The following SIPA1L1 variants were observed in gnomAD, a reference collection of about 807,000 sequenced individuals.
SIPA1L1 encodes signal-induced proliferation-associated 1-like protein 1.
In SIPA1L1, 26 loss-of-function variants were observed where a neutral mutation model predicts 162.7. The observed-to-expected ratio is 0.16, with a 90% CI of 0.12 to 0.22. The LOEUF is 0.22. Ranked by LOEUF, SIPA1L1 falls within the 10% of genes least tolerant of loss-of-function variation. The pLI is 1.00. For synonymous variants in SIPA1L1, 829 were observed against 837.4 expected, an observed-to-expected ratio of 0.99 and a Z score of 0.17; for missense variants, 1,874 against 2,241.0, an observed-to-expected ratio of 0.84 and a Z score of 3.31.
At chr14:71,400,401 A>G (rs1468211500) in intron 2 of SIPA1L1, among the ~76,000 whole-genome samples, 2 of 152,200 alleles carry the variant, frequency 1.3e-5, no homozygotes, top group Admixed American at 1.3e-4. Flanking sequence ...CATTACATAA[A>G]GCATTTTTTA....
intron 2 of SIPA1L1, among the ~76,000 whole-genome samples, chr14:71,402,467 G>A (rs1181816011): frequency 6.6e-6 from 1 of 151,802 alleles, no homozygotes; most frequent in African/African-American, 2.4e-5. Flanking sequence ...TCTTGCCTCA[G>A]CCTCCTGAGT....
rs2037765926 is a variant in SIPA1L1, at chr14:71,608,280, G to A, written c.1499-10477G>A. ...GGTCCCTGTCCTTGTTAGCGGTAGT[G>A]ACTTCTGCCTTAACTGAATTTCTGG... is the stretch of plus-strand genomic sequence containing the variant. On this transcript the variant is annotated intron_variant, in intron 5 of 23. Coordinates refer to ENST00000381232, the MANE Select transcript of SIPA1L1 (RefSeq NM_001386936.1). 1.3e-5 allele frequency among the ~76,000 whole-genome samples: 2 copies of A among 152,194 alleles called. 1 individual carries two copies. Among genetic ancestry groups the A allele is most frequent in the South Asian group, 4.1e-4 (2 of 4,828 alleles).
At chr14:71,607,225 T>G (rs1429984167) in intron 5 of SIPA1L1, among the ~76,000 whole-genome samples, 3 of 151,566 alleles carry the variant, frequency 2.0e-5, no homozygotes, top group Non-Finnish European at 2.9e-5. Flanking sequence ...TGGTTTTAAT[T>G]TGCAGATAAA....
At chr14:71,653,388 T>G (rs575895448) in intron 8 of SIPA1L1, among the ~76,000 whole-genome samples, 55 of 152,340 alleles carry the variant, frequency 3.6e-4, no homozygotes, top group African/African-American at 1.2e-3. Flanking sequence ...TGCAGCTTAC[T>G]GTCCAACTCA....
intron 2 of SIPA1L1, among the ~76,000 whole-genome samples, chr14:71,478,335 G>A (rs545967535): frequency 6.6e-6 from 1 of 151,854 alleles, no homozygotes; most frequent in Admixed American, 6.6e-5. Context: ...TTTTTCATTT[G>A]CTTAATAGTG....
chr14:71,633,363 G>A (rs1233264879), intron 7 of SIPA1L1, among the ~76,000 whole-genome samples: 2 of 151,984 alleles, frequency 1.3e-5, no homozygotes, highest in African/African-American at 2.4e-5. Flanking sequence ...TAGTAGAGAC[G>A]GGGTTTCACC....
chr14:71,720,384 C>A (rs2083614023), intron 17 of SIPA1L1, among the ~76,000 whole-genome samples: 1 of 151,966 alleles, frequency 6.6e-6, no homozygotes, highest in Admixed American at 6.6e-5. Context: ...AGTTTGAGAC[C>A]ATCCTGGCCA....
intron 2 of SIPA1L1, chr14:71,330,554 G>T: frequency 7.4e-7 from 1 of 1,356,058 alleles, no homozygotes; most frequent in Non-Finnish European, 1.1e-6. Flanking sequence ...ATGCCTAGCT[G>T]GGAGGCCTTT....
At chr14:71,370,343 A>G (rs1465380205) in intron 2 of SIPA1L1, among the ~76,000 whole-genome samples, 1 of 151,968 alleles carries the variant, frequency 6.6e-6, no homozygotes, top group Non-Finnish European at 1.5e-5. Flanking sequence ...TCCCATCAAT[A>G]CCTGATTTAT....
At chr14:71,614,035 A>T (rs1213802554) in intron 5 of SIPA1L1, among the ~76,000 whole-genome samples, 1 of 151,638 alleles carries the variant, frequency 6.6e-6, no homozygotes, top group African/African-American at 2.4e-5. Context: ...AACCTCTACT[A>T]AAAAAAATAG....
intron 7 of SIPA1L1, among the ~76,000 whole-genome samples, chr14:71,631,151 G>A (rs956179023): frequency 1.3e-5 from 2 of 151,782 alleles, no homozygotes; most frequent in African/African-American, 2.4e-5. Context: ...ATAGTTTGCT[G>A]AGAATTATGG....
chr14:71,385,857 T>TTTGTATTTTTAGTAGAGACGGGG (rs2040279927), intron 2 of SIPA1L1, among the ~76,000 whole-genome samples: 1 of 151,980 alleles, frequency 6.6e-6, no homozygotes. Context: ...CCAGCTAATT[T>TTTGTATTTTTAGTAGAGACGGGG]TTGTATTTTT....
At chr14:71,485,121 T>C (rs986054752) in intron 2 of SIPA1L1, among the ~76,000 whole-genome samples, 1 of 152,208 alleles carries the variant, frequency 6.6e-6, no homozygotes, top group African/African-American at 2.4e-5. Flanking sequence ...AAAAACCAAA[T>C]GAAATGTGTG....
Position 71,561,081 on chromosome 14 carries a change from A to G in SIPA1L1, c.-302-26490A>G, listed in dbSNP as rs546276427. Among the ~76,000 whole-genome samples, 7 of 152,334 alleles carry G rather than the reference A, an allele frequency of 4.6e-5. No individual in the cohort carries two copies. The South Asian group carries it at 1.2e-3, about 27-fold the overall frequency. ...AAAGAGTTCTTTTTAGTAGCTCTCT[A>G]GAAGATTAATTTTGTTTTATTTGTA... On this transcript the variant is annotated intron_variant, in intron 4 of 23. Transcript: ENST00000381232.
intron 12 of SIPA1L1, among the ~76,000 whole-genome samples, chr14:71,680,628 C>A (rs913510612): frequency 2.6e-5 from 4 of 152,042 alleles, no homozygotes; most frequent in African/African-American, 9.7e-5. Context: ...TTCAAAAAAT[C>A]AATGAATCCA....
rs546722904 is a variant in SIPA1L1, at chr14:71,351,450, A to G, written c.-465+30269A>G. 3.9e-5 allele frequency among the ~76,000 whole-genome samples: 6 copies of G among 152,364 alleles called. No homozygotes were observed. The South Asian group carries it at 1.2e-3, about 32-fold the overall frequency. ...TGTTTATGTGAAGGAAAAAAATGGA[A>G]TTAAATCCCTTTGTTACTTTTATTT... On this transcript the variant is annotated intron_variant, in intron 2 of 23. Transcript: ENST00000381232.
At chr14:71,381,873 A>T (rs2039933581) in intron 2 of SIPA1L1, among the ~76,000 whole-genome samples, 1 of 152,154 alleles carries the variant, frequency 6.6e-6, no homozygotes, top group South Asian at 2.1e-4. Flanking sequence ...TGAATCCATG[A>T]TACCCATTGT....
intron 4 of SIPA1L1, among the ~76,000 whole-genome samples, chr14:71,565,540 A>G (rs1487219575): frequency 6.6e-6 from 1 of 152,226 alleles, no homozygotes; most frequent in Non-Finnish European, 1.5e-5. Context: ...TGCAGTAAGA[A>G]ATATAATAAT....
At chr14:71,719,938 T>C (rs2083569844) in intron 17 of SIPA1L1, among the ~76,000 whole-genome samples, 1 of 152,336 alleles carries the variant, frequency 6.6e-6, no homozygotes. Flanking sequence ...AGAATCAATA[T>C]TCCTTCAGCA....
Sources: allele counts gnomAD v4.1 joint callset (sites outside exome capture counted in the v4.1 genomes callset), GRCh38; gene constraint gnomAD v4.1.1; transcripts MANE v1.5; gene names NCBI Gene and HGNC (gene_info 2026-07-23, HGNC 2026-07-21).